TMEM117: variants seen among roughly 807,000 people sequenced by gnomAD.
TMEM117 encodes transmembrane protein 117.
Under a neutral mutation model 52.4 loss-of-function variants are expected in TMEM117, and 27 were observed. The observed-to-expected ratio is 0.51, with a 90% CI of 0.38 to 0.71. TMEM117 has a LOEUF of 0.71. Ranked by LOEUF, TMEM117 falls within the 30% of genes least tolerant of loss-of-function variation. The pLI is 0.00. For synonymous variants in TMEM117, 215 were observed against 206.3 expected (o/e 1.04, Z -0.36); for missense variants, 556 against 630.5 (o/e 0.88, Z 1.26).
chr12:43,975,703 C>A lies in TMEM117; in HGVS notation c.410+31361C>A, dbSNP rs1045137012. Among the ~76,000 whole-genome samples the A allele has an allele frequency of 2.0e-5, 3 of 152,192 alleles. No homozygotes were observed. The South Asian group carries it at 6.2e-4, about 31-fold the overall frequency. On this transcript the variant is annotated intron_variant, in intron 3 of 7. Transcript: ENST00000266534. ...TCATAGAATATCTGAAAAATACATT[C>A]TCTTCTGTTTAAAATAAACTTTTAT...
At chr12:43,877,046 T>C (rs910804714) in intron 2 of TMEM117, among the ~76,000 whole-genome samples, 2 of 152,226 alleles carry the variant, frequency 1.3e-5, no homozygotes, top group Non-Finnish European at 2.9e-5. Context: ...TAACATAATT[T>C]ATTTCATAGT....
chr12:44,015,299 G>C (rs1946356982), intron 3 of TMEM117, among the ~76,000 whole-genome samples: 1 of 151,980 alleles, frequency 6.6e-6, no homozygotes, highest in Non-Finnish European at 1.5e-5. Context: ...ACCCAGGAAG[G>C]CTTTTATTTA....
chr12:44,272,672 T>C (rs1257416476), intron 5 of TMEM117, among the ~76,000 whole-genome samples: 5 of 152,180 alleles, frequency 3.3e-5, no homozygotes, highest in African/African-American at 1.2e-4. Flanking sequence ...CACAATGAGA[T>C]ACCATCTCAC....
intron 5 of TMEM117, among the ~76,000 whole-genome samples, chr12:44,297,728 T>A (rs1274772194): frequency 6.6e-6 from 1 of 152,256 alleles, no homozygotes; most frequent in Non-Finnish European, 1.5e-5. Context: ...GAAATTGTGG[T>A]GATTTCATTC....
At position 43,951,260 on chromosome 12, in the gene TMEM117, C is replaced by T. The variant is rs527711612; in HGVS notation, c.410+6918C>T. On this transcript the variant is annotated intron_variant, in intron 3 of 7. Coordinates refer to ENST00000266534, the MANE Select transcript of TMEM117 (RefSeq NM_032256.3). Reference sequence around the variant, plus strand: ...CTGAGCTGCAGGAGTTTTTTACATACTCCAGTGACACTTGGAACTCCAGTG... The same window carrying T: ...CTGAGCTGCAGGAGTTTTTTACATATTCCAGTGACACTTGGAACTCCAGTG... Among the ~76,000 whole-genome samples the T allele has an allele frequency of 5.9e-3, 899 of 152,328 alleles. 7 individuals are homozygous for T. Among genetic ancestry groups the T allele is most frequent in the Non-Finnish European group, 0.011 (719 of 68,030 alleles).
chr12:43,936,118 G>A (rs1349062788), intron 2 of TMEM117, among the ~76,000 whole-genome samples: 1 of 152,106 alleles, frequency 6.6e-6, no homozygotes, highest in African/African-American at 2.4e-5. Context: ...TGACCACATA[G>A]GATTTTAGTC....
chr12:44,056,764 GTC>G (rs1160307912), intron 3 of TMEM117, among the ~76,000 whole-genome samples: 2 of 151,906 alleles, frequency 1.3e-5, no homozygotes, highest in African/African-American at 4.8e-5. Flanking sequence ...CTCTCTCTCT[GTC>G]TCTCTGTCTT....
At chr12:44,031,307 C>A (rs537379476) in intron 3 of TMEM117, among the ~76,000 whole-genome samples, 3 of 152,018 alleles carry the variant, frequency 2.0e-5, no homozygotes, top group Non-Finnish European at 4.4e-5. Context: ...ACAGAGGTAA[C>A]CAAAATTTGT....
At position 44,166,880 on chromosome 12, in the gene TMEM117, G is replaced by A. The variant is rs190540793; in HGVS notation, c.510+23256G>A. ...TGTTATCAAATATGAAAATATACCA[G>A]TCTCTCAAAATTTAAAACCTATAAT... On this transcript the variant is annotated intron_variant, in intron 4 of 7. Transcript: ENST00000266534. 2.1e-3 allele frequency among the ~76,000 whole-genome samples: 323 copies of A among 152,262 alleles called. 1 individual carries two copies. The highest frequency in any genetic ancestry group is 4.6e-3 in the Admixed American group (70 of 15,292).
chr12:44,116,238 T>C (rs1482093140), intron 3 of TMEM117, among the ~76,000 whole-genome samples: 4 of 152,240 alleles, frequency 2.6e-5, no homozygotes, highest in Non-Finnish European at 4.4e-5. Context: ...CGCTTTACAA[T>C]ACTCTTCGAA....
chr12:43,835,404 TTA>T (rs1943010234), upstream of TMEM117, among the ~76,000 whole-genome samples: 2 of 152,144 alleles, frequency 1.3e-5, no homozygotes, highest in Non-Finnish European at 2.9e-5. Flanking sequence ...ATACGTGTGC[TTA>T]TGTGTGTATA....
At chr12:43,978,002 G>T (rs542782380) in intron 3 of TMEM117, among the ~76,000 whole-genome samples, 7 of 152,302 alleles carry the variant, frequency 4.6e-5, no homozygotes, top group South Asian at 2.1e-4. Flanking sequence ...TTAGGTTCTA[G>T]TCCTCTAGGG....
At chr12:44,219,946 T>A (rs79000476) in intron 5 of TMEM117, among the ~76,000 whole-genome samples, 6,832 of 152,144 alleles carry the variant, frequency 0.045, 522 homozygotes, top group African/African-American at 0.16. Context: ...AAACATGAAG[T>A]CTTCAGTATA....
At chr12:43,864,485 G>A (rs112450395) in intron 2 of TMEM117, among the ~76,000 whole-genome samples, 4,157 of 151,780 alleles carry the variant, frequency 0.027, 63 homozygotes, top group Middle Eastern at 0.079. Context: ...TGTCTAGCTC[G>A]GGGTTTGTGA....
At chr12:44,354,178 T>G (rs1242879593) in intron 6 of TMEM117, among the ~76,000 whole-genome samples, 2 of 152,168 alleles carry the variant, frequency 1.3e-5, no homozygotes, top group Non-Finnish European at 2.9e-5. Context: ...GCTTATCAGC[T>G]GAAGGAGATT....
At chr12:43,873,063 G>A (rs80044299) in intron 2 of TMEM117, among the ~76,000 whole-genome samples, 15,474 of 152,166 alleles carry the variant, frequency 0.1, 2,370 homozygotes, top group African/African-American at 0.33. Flanking sequence ...CTTAGGAAGA[G>A]GATGCTCAAT....
At chr12:44,195,437 G>A (rs1163455253) in intron 4 of TMEM117, among the ~76,000 whole-genome samples, 1 of 151,988 alleles carries the variant, frequency 6.6e-6, no homozygotes, top group Non-Finnish European at 1.5e-5. Flanking sequence ...TTCTTTTGCT[G>A]CTCATCATAG....
intron 2 of TMEM117, among the ~76,000 whole-genome samples, chr12:43,882,858 G>C (rs547751672): frequency 1.3e-5 from 2 of 152,058 alleles, no homozygotes; most frequent in African/African-American, 4.8e-5. Flanking sequence ...GGTGTTTGGA[G>C]GAAAAAAACT....
chr12:44,375,953 A>G (rs1482933781), intron 6 of TMEM117, among the ~76,000 whole-genome samples: 1 of 152,148 alleles, frequency 6.6e-6, no homozygotes, highest in Non-Finnish European at 1.5e-5. Context: ...TGCCTTGACA[A>G]CCAGGAAATA....
Sources: allele counts gnomAD v4.1 joint callset (sites outside exome capture counted in the v4.1 genomes callset), GRCh38; gene constraint gnomAD v4.1.1; transcripts MANE v1.5; gene names NCBI Gene and HGNC (gene_info 2026-07-23, HGNC 2026-07-21).